The following PCDHGB3 variants were observed in gnomAD, a reference collection of about 807,000 sequenced individuals.
PCDHGB3 encodes the protein protocadherin gamma subfamily B, 3.
In PCDHGB3, 40 loss-of-function variants were observed where a neutral mutation model predicts 59.2. The ratio of observed to expected loss-of-function variants is 0.68; its 90% CI spans 0.52 to 0.88. The LOEUF (loss-of-function observed/expected upper bound fraction) is 0.88, where lower values mean the gene tolerates loss of function less well. Ranked by LOEUF, PCDHGB3 falls within the 40% of genes least tolerant of loss-of-function variation. The pLI, the probability that PCDHGB3 is intolerant of heterozygous loss-of-function variation, is 0.00. For synonymous variants in PCDHGB3, 581 were observed against 503.6 expected (o/e 1.15, Z -2.06); for missense variants, 1,309 against 1,187.9 (o/e 1.10, Z -1.50).
intron 1 of PCDHGB3, among the ~76,000 whole-genome samples, chr5:141,455,419 G>A (rs1462099602): frequency 6.6e-6 from 1 of 152,124 alleles, no homozygotes; most frequent in Non-Finnish European, 1.5e-5. Context: ...AGGGAGCGGG[G>A]CTCCAAAAGA....
chr5:141,432,173 G>C lies in PCDHGB3; in HGVS notation c.2415+59364G>C, dbSNP rs771177256. On this transcript the variant is annotated intron_variant, in intron 1 of 3. Transcript: ENST00000576222. This position sits in a 1 kb window ranked among gnomAD's most constrained non-coding sequence, Gnocchi z 6.0. ...GAACAATCCCAGAGGAGTTTCCCTC[G>C]TCTCTGTGACCGCCCACGACCCCGA... The C allele has an allele frequency of 3.1e-6, 5 of 1,614,054 alleles. No homozygotes were observed. Among genetic ancestry groups the C allele is most frequent in the South Asian group, 1.1e-5 (1 of 91,054 alleles).
chr5:141,447,078 G>A (rs531206989), intron 1 of PCDHGB3, among the ~76,000 whole-genome samples: 5 of 152,018 alleles, frequency 3.3e-5, no homozygotes, highest in Non-Finnish European at 7.4e-5. Context: ...TTTAATTTTT[G>A]TTGTTTAATT....
chr5:141,472,980 C>CAAAAAAAAAAAAAAA (rs60579131), intron 1 of PCDHGB3, among the ~76,000 whole-genome samples: 13 of 86,076 alleles, frequency 1.5e-4, no homozygotes, highest in African/African-American at 1.9e-4. Context: ...GAGTGAAACT[C>CAAAAAAAAAAAAAAA]AAAAAAAAAA....
intron 1 of PCDHGB3, among the ~76,000 whole-genome samples, chr5:141,451,435 G>T (rs947210577): frequency 6.6e-6 from 1 of 152,234 alleles, no homozygotes; most frequent in Non-Finnish European, 1.5e-5. Flanking sequence ...AAGGGTTCCA[G>T]TTCCTTGCTG....
At chr5:141,423,427 G>T (rs2096739583) in intron 1 of PCDHGB3, 1 of 1,613,892 alleles carries the variant, frequency 6.2e-7, no homozygotes, top group Non-Finnish European at 8.5e-7. Flanking sequence ...AGGCGGGTTG[G>T]CAGGTATGCC....
Position 141,486,912 on chromosome 5 carries a change from T to C in PCDHGB3, c.2416-7895T>C. The stretch of plus-strand genomic sequence containing the variant: ...CCTGGTTCCTTATGTCCCCAAGCAC[T>C]GCCTCCATCAGTTGGTGCTGGCCAC... On this transcript the variant is annotated intron_variant, in intron 1 of 3. Coordinates refer to ENST00000576222, the MANE Select transcript of PCDHGB3 (RefSeq NM_018924.5). This position sits in a 1 kb window ranked among gnomAD's most constrained non-coding sequence, Gnocchi z 5.0. The C allele has an allele frequency of 1.2e-6, 2 of 1,614,246 alleles. No homozygotes were observed. Among genetic ancestry groups the C allele is most frequent in the Non-Finnish European group, 1.7e-6 (2 of 1,180,040 alleles).
chr5:141,370,870 A>G lies in PCDHGB3; in HGVS notation c.476A>G (p.Asp159Gly), dbSNP rs778903328. Reference protein sequence around the residue: ...GATFALESAQDPDVGVNSLQQ... With the variant: ...GATFALESAQGPDVGVNSLQQ... ...ACATTTGCCCTGGAATCTGCGCAAG[A>G]TCCTGATGTAGGTGTCAATTCGCTG... The change falls in exon 1 of 4, where the codon GAT (aspartate) becomes GGT (glycine). Residue 159 changes from aspartate (D) to glycine (G), a missense_variant. Transcript: ENST00000576222. 6.2e-7 allele frequency: 1 copy of G among 1,614,030 alleles called. No homozygotes were observed. Among genetic ancestry groups the G allele is most frequent in the African/African-American group, 1.3e-5 (1 of 75,038 alleles).
chr5:141,425,243 G>T (rs2096863760), intron 1 of PCDHGB3, among the ~76,000 whole-genome samples: 1 of 152,132 alleles, frequency 6.6e-6, no homozygotes, highest in Non-Finnish European at 1.5e-5. Flanking sequence ...AAATAAAAAG[G>T]ATATGAGGTA....
At chr5:141,414,811 C>T in intron 1 of PCDHGB3, 3 of 1,614,254 alleles carry the variant, frequency 1.9e-6, no homozygotes, top group Non-Finnish European at 2.5e-6. Context: ...GGATCCTCCA[C>T]TCAGCAGCAA....
rs139832920 is a variant in PCDHGB3, at chr5:141,432,866, G to T, written c.2415+60057G>T. On this transcript the variant is annotated intron_variant, in intron 1 of 3. Coordinates refer to ENST00000576222, the MANE Select transcript of PCDHGB3 (RefSeq NM_018924.5). This position sits in a 1 kb window ranked among gnomAD's most constrained non-coding sequence, Gnocchi z 6.0. ...GGTAGCGGTGGCCGCGGTCTCCTGC[G>T]TCTTCCTGGCCTTCGTCATCTTGCT... The T allele has an allele frequency of 1.9e-6, 3 of 1,614,034 alleles. No individual in the cohort carries two copies. The African/African-American group carries it at 4.0e-5, about 22-fold the overall frequency.
chr5:141,404,879 G>C (rs770577946), intron 1 of PCDHGB3: 1 of 1,613,906 alleles, frequency 6.2e-7, no homozygotes, highest in Non-Finnish European at 8.5e-7. Flanking sequence ...ACAGAGCCTT[G>C]TGGTGGCTGT....
At chr5:141,413,257 T>A (rs777964429) in intron 1 of PCDHGB3, 1 of 1,613,836 alleles carries the variant, frequency 6.2e-7, no homozygotes, top group African/African-American at 1.3e-5. Flanking sequence ...CGGGATTCCA[T>A]GGGAGGCTGG....
At chr5:141,404,593 A>G in intron 1 of PCDHGB3, 1 of 1,614,080 alleles carries the variant, frequency 6.2e-7, no homozygotes, top group Non-Finnish European at 8.5e-7. Context: ...GCAATGTGTC[A>G]TTGAGACTGT....
Position 141,431,021 on chromosome 5 carries a change from G to A in PCDHGB3, c.2415+58212G>A. On this transcript the variant is annotated intron_variant, in intron 1 of 3. Coordinates refer to ENST00000576222, the MANE Select transcript of PCDHGB3 (RefSeq NM_018924.5). This position sits in a 1 kb window ranked among gnomAD's most constrained non-coding sequence, Gnocchi z 4.8. ...GCGCAGCGGCAGCTTGGTCACGGCG[G>A]GCAGGATAGACCGGGAGGAGCTCTG... is the stretch of plus-strand genomic sequence containing the variant. 1 of 1,613,940 alleles carries A rather than the reference G, an allele frequency of 6.2e-7. No individual in the cohort carries two copies. Among genetic ancestry groups the A allele is most frequent in the Non-Finnish European group, 8.5e-7 (1 of 1,179,936 alleles).
chr5:141,431,114 G>T lies in PCDHGB3; in HGVS notation c.2415+58305G>T. On this transcript the variant is annotated intron_variant, in intron 1 of 3. Coordinates refer to ENST00000576222, the MANE Select transcript of PCDHGB3 (RefSeq NM_018924.5). This position sits in a 1 kb window ranked among gnomAD's most constrained non-coding sequence, Gnocchi z 4.8. The stretch of plus-strand genomic sequence containing the variant: ...GGAGGATAAAGTGAAAATATATGGA[G>T]TAGAAGTAGAAGTAAGGGACATTAA... 6.2e-7 allele frequency: 1 copy of T among 1,614,158 alleles called. No individual in the cohort carries two copies.
chr5:141,436,298 T>C (rs1480546595), intron 1 of PCDHGB3, among the ~76,000 whole-genome samples: 3 of 152,186 alleles, frequency 2.0e-5, no homozygotes, highest in Non-Finnish European at 4.4e-5. Flanking sequence ...CATTGAGAGT[T>C]AGAGCATGAA....
chr5:141,427,222 A>G (rs536161247), intron 1 of PCDHGB3: 1 of 456,774 alleles, frequency 2.2e-6, no homozygotes, highest in South Asian at 1.5e-5. Flanking sequence ...CGTAGCAGTT[A>G]TACCATGAGA....
chr5:141,438,386 T>C (rs757664430), intron 1 of PCDHGB3, among the ~76,000 whole-genome samples: 1 of 151,778 alleles, frequency 6.6e-6, no homozygotes, highest in Admixed American at 6.6e-5. Flanking sequence ...AATTTCTTAG[T>C]TCATCATTAA....
Position 141,370,524 on chromosome 5 carries a change from G to C in PCDHGB3, c.130G>C (p.Gly44Arg). The change falls in exon 1 of 4, where the codon GGC (glycine) becomes CGC (arginine). Residue 44 changes from glycine to arginine, a missense_variant. Coordinates refer to ENST00000576222, the MANE Select transcript of PCDHGB3 (RefSeq NM_018924.5). ...CGCTATTCCCGAGGAGCTGGACAGG[G>C]GCTCGCTGGTAGGGAACCTCGCCAA... ...RYAIPEELDR[G>R]SLVGNLAKDL... 1 of 1,613,890 alleles carries C rather than the reference G, an allele frequency of 6.2e-7. No individual in the cohort carries two copies. Among genetic ancestry groups the C allele is most frequent in the Non-Finnish European group, 8.5e-7 (1 of 1,179,818 alleles).
Sources: gnomAD v4.1 joint callset for allele counts (sites outside exome capture counted in the v4.1 genomes callset) on GRCh38, gnomAD v4.1.1 for gene constraint, Gnocchi (gnomAD v3.1) non-coding constraint, MANE v1.5 for transcripts, NCBI Gene and HGNC (gene_info 2026-07-23, HGNC 2026-07-21) for gene names.